The following RBFOX2 variants were observed in gnomAD, a reference collection of about 807,000 sequenced individuals.
The protein encoded by RBFOX2 is RNA binding protein fox-1 homolog 2.
RBFOX2 carries 10 observed loss-of-function variants against 49.1 expected under a neutral mutation model. The ratio of observed to expected loss-of-function variants is 0.20; its 90% CI spans 0.13 to 0.35. RBFOX2 has a LOEUF of 0.35. RBFOX2 is among the 10% of genes least tolerant of loss of function. The pLI is 1.00. For missense variants in RBFOX2, 323 were observed against 486.9 expected (o/e 0.66, Z 3.17); for synonymous variants, 183 against 187.4 (o/e 0.98, Z 0.19).
At chr22:36,010,236 G>C (rs927098946) in intron 1 of RBFOX2, among the ~76,000 whole-genome samples, 19 of 152,022 alleles carry the variant, frequency 1.2e-4, no homozygotes, top group African/African-American at 4.6e-4. Context: ...CCCATCTCTC[G>C]ACTGCTAGGA....
rs201641349 is a variant in RBFOX2, at chr22:35,950,975, A to G, written c.42+10588T>C. On this transcript the variant is annotated intron_variant, in intron 1 of 5. Coordinates refer to the RBFOX2 transcript ENST00000408983. ...ATTCTTTTTTTTTTTTTTTTTGGAG[A>G]TAGAGTCTCACTCTGTTGCCCAGGC... Among the ~76,000 whole-genome samples the G allele has an allele frequency of 1.1e-4, 14 of 128,866 alleles. No homozygotes were observed. The East Asian group carries it at 2.9e-3, about 27-fold the overall frequency. 84.5% of individuals were successfully genotyped at this position (128,866 alleles called of 152,430 possible).
chr22:35,771,679 A>G (rs1363632571), intron 4 of RBFOX2, among the ~76,000 whole-genome samples: 1 of 152,210 alleles, frequency 6.6e-6, no homozygotes, highest in Non-Finnish European at 1.5e-5. Flanking sequence ...TAAACTTTAA[A>G]CAGGTGATTT....
chr22:35,864,226 C>T (rs1425072124), intron 1 of RBFOX2, among the ~76,000 whole-genome samples: 1 of 152,156 alleles, frequency 6.6e-6, no homozygotes, highest in Non-Finnish European at 1.5e-5. Flanking sequence ...ACTCATAATA[C>T]AATGTTTTGC....
upstream of RBFOX2, among the ~76,000 whole-genome samples, chr22:35,965,218 A>G (rs2056488129): frequency 6.6e-6 from 1 of 152,192 alleles, no homozygotes. Context: ...AAGATTTACA[A>G]AGGGATGGTC....
chr22:35,884,000 CTTTTTTTTTTTT>C (rs34644201), intron 1 of RBFOX2, among the ~76,000 whole-genome samples: 1 of 62,640 alleles, frequency 1.6e-5, no homozygotes, highest in African/African-American at 6.4e-5. Flanking sequence ...GTAGTTATCT[CTTTTTTTTTTTT>C]TTTTTTTTTT....
chr22:35,853,477 T>TA (rs971708939), intron 1 of RBFOX2, among the ~76,000 whole-genome samples: 3 of 152,038 alleles, frequency 2.0e-5, no homozygotes, highest in African/African-American at 7.2e-5. Flanking sequence ...ATGAAAAAAC[T>TA]AAAAAATTTA....
intron 1 of RBFOX2, among the ~76,000 whole-genome samples, chr22:35,832,955 T>C (rs1957062547): frequency 6.6e-6 from 1 of 152,234 alleles, no homozygotes; most frequent in Non-Finnish European, 1.5e-5. Context: ...AAATGTTCTC[T>C]ATACAAAGAA....
chr22:35,876,196 G>A (rs993845450), intron 1 of RBFOX2, among the ~76,000 whole-genome samples: 1 of 152,070 alleles, frequency 6.6e-6, no homozygotes, highest in South Asian at 2.1e-4. Context: ...TATAAATATG[G>A]TGGGGGGTAC....
chr22:35,773,648 T>C (rs1208424852), intron 4 of RBFOX2, among the ~76,000 whole-genome samples: 1 of 152,122 alleles, frequency 6.6e-6, no homozygotes, highest in Non-Finnish European at 1.5e-5. Context: ...GACTTAATAA[T>C]GAGCACTATC....
intron 1 of RBFOX2, among the ~76,000 whole-genome samples, chr22:35,975,295 G>A (rs182382573): frequency 3.0e-4 from 45 of 152,236 alleles, no homozygotes; most frequent in Non-Finnish European, 1.0e-4. Context: ...CTGGTAAAAG[G>A]AAAGGAGAAA....
upstream of RBFOX2, among the ~76,000 whole-genome samples, chr22:35,843,263 G>A (rs2040741015): frequency 1.3e-5 from 2 of 152,176 alleles, no homozygotes; most frequent in Admixed American, 1.3e-4. Context: ...ACAGGCAGGG[G>A]CTGGGAAGCT....
chr22:35,907,996 G>C (rs765757927), intron 1 of RBFOX2, among the ~76,000 whole-genome samples: 22 of 152,152 alleles, frequency 1.4e-4, no homozygotes, highest in Admixed American at 2.6e-4. Flanking sequence ...CACATCAACA[G>C]TGTGCACATT....
chr22:35,810,050 T>C (rs1183285416), intron 1 of RBFOX2, 46 bp from the exon 3 acceptor site: 1 of 1,573,332 alleles, frequency 6.4e-7, no homozygotes. Flanking sequence ...TGAATCCTTG[T>C]TACGTAACTA....
At chr22:35,958,496 C>A (rs1429347228) in intron 1 of RBFOX2, among the ~76,000 whole-genome samples, 1 of 152,196 alleles carries the variant, frequency 6.6e-6, no homozygotes, top group Non-Finnish European at 1.5e-5. Context: ...TTTCCTCCTG[C>A]TGCTGTTGCT....
intron 1 of RBFOX2, among the ~76,000 whole-genome samples, chr22:35,929,648 G>T (rs1021536511): frequency 6.6e-6 from 1 of 151,820 alleles, no homozygotes; most frequent in South Asian, 2.1e-4. Context: ...GTCCAAAAGC[G>T]ACCATTTTTT....
chr22:35,766,249 T>C (rs1391567147), intron 5 of RBFOX2, among the ~76,000 whole-genome samples: 2 of 152,206 alleles, frequency 1.3e-5, no homozygotes, highest in Non-Finnish European at 2.9e-5. Context: ...GGAACTAAGA[T>C]GTCAGCATAC....
intron 2 of RBFOX2, among the ~76,000 whole-genome samples, chr22:35,807,799 T>C (rs1433780415): frequency 6.6e-6 from 1 of 151,128 alleles, no homozygotes; most frequent in Non-Finnish European, 1.5e-5. Flanking sequence ...AAAAAGTTGG[T>C]TTCCTGGAAA....
intron 1 of RBFOX2, among the ~76,000 whole-genome samples, chr22:35,918,832 A>AGGC (rs1370172323): frequency 6.6e-6 from 1 of 152,292 alleles, no homozygotes; most frequent in African/African-American, 2.4e-5. Flanking sequence ...CCTGTCACCT[A>AGGC]GGCCTTTAGC....
chr22:35,745,834 A>G, intron 11 of RBFOX2, 89 bp downstream of exon 13: 1 of 1,349,718 alleles, frequency 7.4e-7, no homozygotes, highest in South Asian at 1.2e-5. Flanking sequence ...TGAAAGGCTG[A>G]ATTTACTACC....
Sources: gnomAD v4.1 joint callset for allele counts (sites outside exome capture counted in the v4.1 genomes callset) on GRCh38, gnomAD v4.1.1 for gene constraint, MANE v1.5 for transcripts, NCBI Gene and HGNC (gene_info 2026-07-23, HGNC 2026-07-21) for gene names.